COL4A2: variants seen among roughly 807,000 people sequenced by gnomAD.
COL4A2 encodes the protein collagen type IV alpha 2 chain.
A neutral mutation model predicts 200.2 loss-of-function variants in COL4A2; 99 were observed. That is an observed-to-expected ratio of 0.49 (90% CI 0.42 to 0.58). The LOEUF (loss-of-function observed/expected upper bound fraction) is 0.58. COL4A2 is among the 20% of genes least tolerant of loss of function. COL4A2 has a pLI of 0.00. For missense variants in COL4A2, 1,950 were observed against 2,314.1 expected (o/e 0.84, Z 3.23); for synonymous variants, 897 against 900.6 (o/e 1.00, Z 0.07).
chr13:110,456,343 G>C (rs1881732584), intron 20 of COL4A2: 2 of 259,362 alleles, frequency 7.7e-6, no homozygotes, highest in Non-Finnish European at 1.5e-5. Context: ...GTTCTGGAGG[G>C]ATGCACACGT....
intron 4 of COL4A2, among the ~76,000 whole-genome samples, chr13:110,379,928 C>T (rs895865580): frequency 6.6e-6 from 1 of 152,130 alleles, no homozygotes; most frequent in Non-Finnish European, 1.5e-5. Flanking sequence ...CACCTGCCTC[C>T]TCTCCTCCAC....
At chr13:110,453,690 G>C (rs1881622889) in intron 20 of COL4A2, among the ~76,000 whole-genome samples, 1 of 152,292 alleles carries the variant, frequency 6.6e-6, no homozygotes, top group East Asian at 1.9e-4. Flanking sequence ...TTTCTGATCT[G>C]TAGTGTGGGC....
In COL4A2 at chr13:110,307,609, C is replaced by A. The variant is rs1309726388; in HGVS notation, c.-45+81C>A. ...GCGCCTTGTGCAGGCTAGGGCTGCA[C>A]GCTCTCCTGCTTGGGAGTAGAAAGG... is the stretch of plus-strand genomic sequence containing the variant. On this transcript the variant is annotated intron_variant, in intron 1 of 47. Coordinates refer to ENST00000360467, the MANE Select transcript of COL4A2 (RefSeq NM_001846.4). This position sits in a 1 kb window ranked among gnomAD's most constrained non-coding sequence, Gnocchi z 5.0. 20 of 523,520 alleles carry A rather than the reference C, an allele frequency of 3.8e-5. 1 individual carries two copies. The Middle Eastern group carries it at 3.4e-3, about 90-fold the overall frequency. 32.4% of individuals were successfully genotyped at this position (523,520 alleles called of 1,614,324 possible).
At chr13:110,405,056 AG>A (rs1879512898) in intron 4 of COL4A2, among the ~76,000 whole-genome samples, 2 of 152,208 alleles carry the variant, frequency 1.3e-5, no homozygotes, top group African/African-American at 2.4e-5. Flanking sequence ...TTGAGGCTGC[AG>A]TGAGTTGTGA....
Position 110,307,755 on chromosome 13 carries a change from G to A in COL4A2, c.-44-105G>A. ...CGGCCCTCCGGTCACCCCTGCATGC[G>A]GGCCGCGCACCGCGCTGTCCCCGCG... On this transcript the variant is annotated intron_variant, in intron 1 of 47. Coordinates refer to ENST00000360467, the MANE Select transcript of COL4A2 (RefSeq NM_001846.4). The surrounding 1 kb of genome is among the most constrained non-coding windows in gnomAD (Gnocchi z 5.0). 2 of 1,105,116 alleles carry A rather than the reference G, an allele frequency of 1.8e-6. No individual in the cohort carries two copies. The highest frequency in any genetic ancestry group is 2.5e-6 in the Non-Finnish European group (2 of 788,594). The allele number at this position is 1,105,116 out of a possible 1,614,324, so 68.5% of individuals were successfully genotyped here. A position where few individuals can be genotyped will look rare whatever the true frequency, so the allele number is the denominator to read the frequency against.
chr13:110,505,739 C>T (rs898013671), intron 45 of COL4A2, among the ~76,000 whole-genome samples: 1 of 152,174 alleles, frequency 6.6e-6, no homozygotes, highest in East Asian at 1.9e-4. Flanking sequence ...AGGCTGTGGT[C>T]AAGTGCGCAG....
intron 6 of COL4A2, among the ~76,000 whole-genome samples, chr13:110,426,781 C>G (rs569399289): frequency 6.6e-6 from 1 of 152,286 alleles, no homozygotes; most frequent in East Asian, 1.9e-4. Context: ...AAAATTTAAA[C>G]ATTACAGTTC....
chr13:110,310,008 C>A lies in COL4A2; in HGVS notation c.99+1885C>A, dbSNP rs540286406. Among the ~76,000 whole-genome samples the A allele has an allele frequency of 6.5e-3, 992 of 152,014 alleles. 3 individuals are homozygous for A. The highest frequency in any genetic ancestry group is 0.022 in the African/African-American group (928 of 41,484). ...TCTGTCTAAAAACAAAACAAACAAACAAAAAAAACCTAGTTACTAAACATA... is the reference window on the plus strand; with the variant it reads ...TCTGTCTAAAAACAAAACAAACAAAAAAAAAAAACCTAGTTACTAAACATA... On this transcript the variant is annotated intron_variant, in intron 3 of 47. Transcript: ENST00000360467.
At chr13:110,350,123 G>A (rs1409230061) in intron 3 of COL4A2, among the ~76,000 whole-genome samples, 1 of 152,170 alleles carries the variant, frequency 6.6e-6, no homozygotes, top group African/African-American at 2.4e-5. Flanking sequence ...CCAAGGAAAA[G>A]AATTTCCATA....
chr13:110,387,581 G>A (rs140317319), intron 4 of COL4A2, among the ~76,000 whole-genome samples: 7 of 152,262 alleles, frequency 4.6e-5, no homozygotes, highest in Admixed American at 2.6e-4. Flanking sequence ...CGGGGGCCCC[G>A]AGCTGGGGAG....
rs1884134132 is a variant in COL4A2 at position 110,512,724 on chromosome 13, G to GGCAAAACCGTGCTCTTTATTTTAAAA, written c.*534_*559dup. On this transcript the variant is annotated 3_prime_UTR_variant, in exon 48 of 48. Transcript: ENST00000360467. Reference sequence around the variant, plus strand: ...TACCGTTGATGTGAATTATTTTAAAGGCAAAACCGTGCTCTTTATTTTAAA... The same window carrying GGCAAAACCGTGCTCTTTATTTTAAAA: ...TACCGTTGATGTGAATTATTTTAAAGGCAAAACCGTGCTCTTTATTTTAAAAGCAAAACCGTGCTCTTTATTTTAAA... 1 of 157,062 alleles carries GGCAAAACCGTGCTCTTTATTTTAAAA rather than the reference G, an allele frequency of 6.4e-6. No individual in the cohort carries two copies. The highest frequency in any genetic ancestry group is 1.4e-5 in the Non-Finnish European group (1 of 71,590). 9.7% of individuals were successfully genotyped at this position (157,062 alleles called of 1,614,324 possible). A position where few individuals can be genotyped will look rare whatever the true frequency, so the allele number is the denominator to read the frequency against.
chr13:110,454,119 T>G (rs61567217), intron 20 of COL4A2, among the ~76,000 whole-genome samples: 1,746 of 152,314 alleles, frequency 0.011, 33 homozygotes, highest in African/African-American at 0.039. Flanking sequence ...TCTAGTTCAG[T>G]TAGCTGAATT....
chr13:110,501,721 C>A lies in COL4A2; in HGVS notation c.3814C>A (p.Pro1272Thr), dbSNP rs1369263668. ...ACTTCAGGGGTTCCCTGGTATCACACCCCCTTCCAACATCTCTGGGGCACC... is the reference window on the plus strand; with the variant it reads ...ACTTCAGGGGTTCCCTGGTATCACAACCCCTTCCAACATCTCTGGGGCACC... ...PGLQGFPGIT[P>T]PSNISGAPGD... The change falls in exon 41 of 48, where the codon CCC becomes ACC. Residue 1272 changes from proline (P) to threonine (T), a missense_variant. Around this residue, in one of 2 missense-constraint regions of COL4A2, gnomAD observed 1,385 missense variants for 1,720.5 expected, o/e 0.80. Transcript: ENST00000360467. The A allele has an allele frequency of 1.9e-6, 3 of 1,613,750 alleles. No individual in the cohort carries two copies. Among genetic ancestry groups the A allele is most frequent in the South Asian group, 1.1e-5 (1 of 91,040 alleles).
At position 110,442,523 on chromosome 13, in the gene COL4A2, G is replaced by A. The variant is rs531233671; in HGVS notation, c.957+2690G>A. Among the ~76,000 whole-genome samples the A allele has an allele frequency of 6.6e-5, 10 of 152,294 alleles. No homozygotes were observed. In the East Asian group the frequency reaches 1.9e-3, roughly 29 times the overall value. On this transcript the variant is annotated intron_variant, in intron 16 of 47. Coordinates refer to ENST00000360467, the MANE Select transcript of COL4A2 (RefSeq NM_001846.4). ...CCAAAAGCCCCTCCAAGGAGCAACT[G>A]CTCGGTGACATAAACAGTGCATCAA...
Position 110,307,821 on chromosome 13 carries a change from C to T in COL4A2, c.-44-39C>T. Reference sequence around the variant, plus strand: ...CCGGCGGTGAGGATGGGCTGCCTCCCTCATCCTGCGCTAAACTCGCTTTGT... The same window carrying T: ...CCGGCGGTGAGGATGGGCTGCCTCCTTCATCCTGCGCTAAACTCGCTTTGT... On this transcript the variant is annotated intron_variant, in intron 1 of 47. Coordinates refer to ENST00000360467, the MANE Select transcript of COL4A2 (RefSeq NM_001846.4). The surrounding 1 kb of genome is among the most constrained non-coding windows in gnomAD (Gnocchi z 5.0). 1 of 1,510,444 alleles carries T rather than the reference C, an allele frequency of 6.6e-7. No homozygotes were observed. 93.6% of individuals were successfully genotyped at this position (1,510,444 alleles called of 1,614,324 possible). A position where few individuals can be genotyped will look rare whatever the true frequency, so the allele number is the denominator to read the frequency against.
chr13:110,435,736 A>G (rs1199651494), intron 12 of COL4A2, among the ~76,000 whole-genome samples: 2 of 152,250 alleles, frequency 1.3e-5, no homozygotes, highest in African/African-American at 4.8e-5. Context: ...CGGTTTCACC[A>G]TCTGTGCACC....
At chr13:110,481,074 GTCCC>G in intron 31 of COL4A2, among the ~76,000 whole-genome samples, 1 of 80,882 alleles carries the variant, frequency 1.2e-5, no homozygotes, top group Non-Finnish European at 2.5e-5. Flanking sequence ...ACACTGTTCT[GTCCC>G]TCCGTTGCTG....
At chr13:110,474,644 G>T (rs1882608205) in intron 29 of COL4A2, among the ~76,000 whole-genome samples, 1 of 152,070 alleles carries the variant, frequency 6.6e-6, no homozygotes, top group Non-Finnish European at 1.5e-5. Flanking sequence ...CTACACACGT[G>T]CCTATGCATG....
intron 4 of COL4A2, among the ~76,000 whole-genome samples, chr13:110,378,388 C>G (rs2139408156): frequency 6.6e-6 from 1 of 152,352 alleles, no homozygotes; most frequent in East Asian, 1.9e-4. Flanking sequence ...ACCTGATACA[C>G]TAGCAAGTCT....
Sources: gnomAD v4.1 joint callset for allele counts (sites outside exome capture counted in the v4.1 genomes callset) on GRCh38, gnomAD v4.1.1 for gene constraint, gnomAD v4.1.1 regional missense constraint, Gnocchi (gnomAD v3.1) non-coding constraint, MANE v1.5 for transcripts, NCBI Gene and HGNC (gene_info 2026-07-23, HGNC 2026-07-21) for gene names.